Variants in CFAP20DC observed in about 807,000 individuals in gnomAD.
The protein encoded by CFAP20DC is CFAP20 domain containing.
CFAP20DC carries 84 observed loss-of-function variants against 101.7 expected under a neutral mutation model. That is an observed-to-expected ratio of 0.83 (90% confidence interval 0.69 to 0.99). The LOEUF (loss-of-function observed/expected upper bound fraction) is 0.99, where lower values mean the gene tolerates loss of function less well. Ranked by LOEUF, CFAP20DC falls within the 50% of genes least tolerant of loss-of-function variation. The probability of loss-of-function intolerance (pLI) is 0.00; values close to 1 mark genes in which losing one functional copy is unlikely to be tolerated. For synonymous variants in CFAP20DC, 359 were observed against 351.2 expected (o/e 1.02, Z -0.25); for missense variants, 1,007 against 970.3 (o/e 1.04, Z -0.50).
chr3:58,970,480 A>G (rs1333771637), intron 4 of CFAP20DC: 3 of 152,212 alleles, frequency 2.0e-5, no homozygotes, highest in African/African-American at 7.2e-5. Context: ...AGACTAGGAC[A>G]GAGGGATGGT....
chr3:58,809,940 C>T (rs1243402057), intron 14 of CFAP20DC, among the ~76,000 whole-genome samples: 1 of 152,148 alleles, frequency 6.6e-6, no homozygotes, highest in Non-Finnish European at 1.5e-5. Context: ...CGCAAATAAA[C>T]TAGAAAATCT....
At chr3:58,834,926 G>A (rs978076623) in intron 13 of CFAP20DC, among the ~76,000 whole-genome samples, 6 of 152,030 alleles carry the variant, frequency 3.9e-5, no homozygotes, top group Non-Finnish European at 7.4e-5. Context: ...GAATTAAAGT[G>A]CTTAGGATTA....
At chr3:59,004,302 C>T (rs886741598) in intron 4 of CFAP20DC, among the ~76,000 whole-genome samples, 1 of 152,088 alleles carries the variant, frequency 6.6e-6, no homozygotes, top group Non-Finnish European at 1.5e-5. Context: ...GCTCTTCCTG[C>T]TTCTTGGAGG....
chr3:58,962,698 C>T (rs961197754), intron 4 of CFAP20DC, among the ~76,000 whole-genome samples: 1 of 152,108 alleles, frequency 6.6e-6, no homozygotes, highest in African/African-American at 2.4e-5. Flanking sequence ...AAGCTCAGGC[C>T]GTGAACGAGC....
At chr3:59,041,305 T>C (rs1560039942) in intron 3 of CFAP20DC, among the ~76,000 whole-genome samples, 1 of 152,108 alleles carries the variant, frequency 6.6e-6, no homozygotes, top group Non-Finnish European at 1.5e-5. Flanking sequence ...AAAAGAGTTC[T>C]TACCCTCAAA....
chr3:58,812,472 G>A (rs2074733703), intron 14 of CFAP20DC, among the ~76,000 whole-genome samples: 1 of 151,356 alleles, frequency 6.6e-6, no homozygotes, highest in Non-Finnish European at 1.5e-5. Flanking sequence ...ACCAAACACC[G>A]CATATTCTCA....
At chr3:59,046,441 AG>A in intron 2 of CFAP20DC, 119 bp from the exon 3 acceptor site, 1 of 674,256 alleles carries the variant, frequency 1.5e-6, no homozygotes, top group Non-Finnish European at 2.5e-6. Flanking sequence ...ACTTAAAAGC[AG>A]GCTCAGGCCT....
Position 59,027,205 on chromosome 3 carries a change from C to T in CFAP20DC, c.278+12352G>A, listed in dbSNP as rs10222389. On this transcript the variant is annotated intron_variant, in intron 4 of 16. Transcript: ENST00000482387. Reference sequence around the variant, plus strand: ...CAGATACAATTTCAAATTCAGAATACTGCTATGCAAGGATCACAAAGGATC... The same window carrying T: ...CAGATACAATTTCAAATTCAGAATATTGCTATGCAAGGATCACAAAGGATC... 9.8e-3 allele frequency among the ~76,000 whole-genome samples: 1,500 copies of T among 152,290 alleles called. 28 individuals carry two copies. Among genetic ancestry groups the T allele is most frequent in the African/African-American group, 0.034 (1,407 of 41,548 alleles).
chr3:58,908,294 A>T (rs1049084874), intron 6 of CFAP20DC, among the ~76,000 whole-genome samples: 1 of 152,184 alleles, frequency 6.6e-6, no homozygotes, highest in Non-Finnish European at 1.5e-5. Flanking sequence ...TTTGGATAAT[A>T]TCTCTGACTT....
chr3:58,842,255 G>A (rs956531117), intron 13 of CFAP20DC, among the ~76,000 whole-genome samples: 1 of 151,024 alleles, frequency 6.6e-6, no homozygotes, highest in South Asian at 2.1e-4. Context: ...CTGAGGTACC[G>A]GGTTCATCTC....
chr3:58,791,322 T>C (rs1023372080), intron 15 of CFAP20DC, among the ~76,000 whole-genome samples: 3 of 152,228 alleles, frequency 2.0e-5, no homozygotes, highest in Non-Finnish European at 2.9e-5. Flanking sequence ...ATTATTTCAT[T>C]TAATCTTTGC....
rs1276303817 is a variant in CFAP20DC at position 58,728,219 on chromosome 3, CAT to C, written c.198-10593_198-10592del. The C allele has an allele frequency of 6.6e-6, 1 of 152,206 alleles. No individual in the cohort carries two copies. The highest frequency in any genetic ancestry group is 1.5e-5 in the Non-Finnish European group (1 of 68,034). 9.4% of individuals were successfully genotyped at this position (152,206 alleles called of 1,614,324 possible). A position where few individuals can be genotyped will look rare whatever the true frequency, so the allele number is the denominator to read the frequency against. ...GGTAAGTGGGCTAAGTCTATAGTAA[CAT>C]GTTATTATAATTAAATAACGTAATA... On this transcript the variant is annotated intron_variant, in intron 3 of 3. Transcript: ENST00000486145. The surrounding 1 kb of genome is among the most constrained non-coding windows in gnomAD (Gnocchi z 4.7).
rs1294777416 is a variant in CFAP20DC at position 58,913,225 on chromosome 3, T to A, written c.550+483A>T. Among the ~76,000 whole-genome samples the A allele has an allele frequency of 6.6e-6, 1 of 152,078 alleles. No individual in the cohort carries two copies. Among genetic ancestry groups the A allele is most frequent in the Non-Finnish European group, 1.5e-5 (1 of 68,008 alleles). ...CAGCATTATGATGTGACTTATGGAG[T>A]CTCTGTATAGTTGCAGTAGCTACTG... On this transcript the variant is annotated intron_variant, in intron 6 of 16. Transcript: ENST00000482387. The surrounding 1 kb of genome is among the most constrained non-coding windows in gnomAD (Gnocchi z 4.4).
At chr3:58,736,711 T>C (rs2067765062) in intron 3 of CFAP20DC, among the ~76,000 whole-genome samples, 1 of 152,234 alleles carries the variant, frequency 6.6e-6, no homozygotes, top group Non-Finnish European at 1.5e-5. Flanking sequence ...AGCAAGTTTA[T>C]ATGCTTAAAT....
At chr3:58,954,882 G>A (rs2108111446) in intron 4 of CFAP20DC, among the ~76,000 whole-genome samples, 1 of 150,976 alleles carries the variant, frequency 6.6e-6, no homozygotes, top group East Asian at 2.0e-4. Context: ...ACCTTTCTTT[G>A]AATACCATTT....
At position 58,999,843 on chromosome 3, in the gene CFAP20DC, T is replaced by TAAAAAA. The variant is rs565894929; in HGVS notation, c.278+39708_278+39713dup. ...CAGAGCCAAAAGGGAGTCACTAATGTAAAAAAAAAAAAAAAAAAAAAAAAG... is the reference window on the plus strand; with the variant it reads ...CAGAGCCAAAAGGGAGTCACTAATGTAAAAAAAAAAAAAAAAAAAAAAAAAAAAAAG... On this transcript the variant is annotated intron_variant, in intron 4 of 16. Coordinates refer to ENST00000482387, the MANE Select transcript of CFAP20DC (RefSeq NM_001394063.1). Among the ~76,000 whole-genome samples the TAAAAAA allele has an allele frequency of 1.9e-3, 143 of 76,782 alleles. 1 individual carries two copies. The highest frequency in any genetic ancestry group is 6.0e-3 in the African/African-American group (135 of 22,652). 50.4% of individuals were successfully genotyped at this position (76,782 alleles called of 152,430 possible).
Position 58,899,892 on chromosome 3 carries a change from C to A in CFAP20DC, c.550+13816G>T, listed in dbSNP as rs73078056. 3.9e-5 allele frequency among the ~76,000 whole-genome samples: 6 copies of A among 152,306 alleles called. No homozygotes were observed. Among genetic ancestry groups the A allele is most frequent in the African/African-American group, 1.4e-4 (6 of 41,562 alleles). On this transcript the variant is annotated intron_variant, in intron 6 of 16. Coordinates refer to ENST00000482387, the MANE Select transcript of CFAP20DC (RefSeq NM_001394063.1). The surrounding 1 kb of genome is among the most constrained non-coding windows in gnomAD (Gnocchi z 5.0). ...CTTTCACTCCTCTCCACGAGTGCTG[C>A]AGACCACAGCTGCTTTTAATCAGCC... is the stretch of plus-strand genomic sequence containing the variant.
At chr3:58,982,548 C>T (rs1257812929) in intron 4 of CFAP20DC, among the ~76,000 whole-genome samples, 1 of 151,788 alleles carries the variant, frequency 6.6e-6, no homozygotes, top group Non-Finnish European at 1.5e-5. Flanking sequence ...GAGTTCATGT[C>T]CTTTGTAGGG....
rs537656601 is a variant in CFAP20DC at position 58,967,852 on chromosome 3, C to G, written c.279-30090G>C. On this transcript the variant is annotated intron_variant, in intron 4 of 16. Transcript: ENST00000482387. Reference sequence around the variant, plus strand: ...CAATAGTTATCTTTTCTGCTCCTCTCCCTCCTCCCACCCTCCACCCTCAAG... The same window carrying G: ...CAATAGTTATCTTTTCTGCTCCTCTGCCTCCTCCCACCCTCCACCCTCAAG... 1.9e-4 allele frequency among the ~76,000 whole-genome samples: 29 copies of G among 152,234 alleles called. No homozygotes were observed. In the Middle Eastern group the frequency reaches 0.01, roughly 54 times the overall value.
Sources: allele counts gnomAD v4.1 joint callset (sites outside exome capture counted in the v4.1 genomes callset), GRCh38; gene constraint gnomAD v4.1.1; non-coding constraint Gnocchi (gnomAD v3.1); transcripts MANE v1.5; gene names NCBI Gene and HGNC (gene_info 2026-07-23, HGNC 2026-07-21).